The following GON7 variants were observed in gnomAD, a reference collection of about 807,000 sequenced individuals.
GON7 encodes EKC/KEOPS complex subunit GON7.
GON7 carries 2 observed loss-of-function variants against 7.6 expected under a neutral mutation model. The ratio of observed to expected loss-of-function variants is 0.26; its 90% CI spans 0.11 to 0.83. The LOEUF (loss-of-function observed/expected upper bound fraction) is 0.83, where lower values mean the gene tolerates loss of function less well. Ranked by LOEUF, GON7 falls within the 40% of genes least tolerant of loss-of-function variation. The pLI is 0.65. For missense variants in GON7, 121 were observed against 132.2 expected, an observed-to-expected ratio of 0.92 and a Z score of 0.42; for synonymous variants, 54 against 56.6, an observed-to-expected ratio of 0.95 and a Z score of 0.20.
Position 93,206,918 on chromosome 14 carries a change from C to A in GON7, c.120G>T (p.Met40Ile). 1 of 1,614,244 alleles carries A rather than the reference C, an allele frequency of 6.2e-7. No individual in the cohort carries two copies. Among genetic ancestry groups the A allele is most frequent in the Non-Finnish European group, 8.5e-7 (1 of 1,180,050 alleles). The change falls in exon 1 of 2, where the codon ATG becomes ATT. Residue 40 changes from methionine (M) to isoleucine (I), a missense_variant. Coordinates refer to ENST00000306954, the MANE Select transcript of GON7 (RefSeq NM_032490.5). ...CGAATAATTCCGTTACCATGTCCTT[C>A]ATCTGGGCCACGCCAGACAACAGGC... ...FQGLLSGVAQ[M>I]KDMVTELFDP...
Position 93,203,784 on chromosome 14 carries a change from T to C in GON7, c.209-2A>G, listed in dbSNP as rs1007581194. ...CTTCTGCATCATCTTCATCATCACCTTTTAAAATAAATATTTGTTGTATGA... is the reference window on the plus strand; with the variant it reads ...CTTCTGCATCATCTTCATCATCACCCTTTAAAATAAATATTTGTTGTATGA... On this transcript the variant is annotated splice_acceptor_variant, in intron 1 of 1. Coordinates refer to ENST00000306954, the MANE Select transcript of GON7 (RefSeq NM_032490.5). LOFTEE classifies it high-confidence loss of function. 1 of 1,606,188 alleles carries C rather than the reference T, an allele frequency of 6.2e-7. No individual in the cohort carries two copies. Among genetic ancestry groups the C allele is most frequent in the African/African-American group, 1.3e-5 (1 of 74,774 alleles).
intron 1 of GON7, among the ~76,000 whole-genome samples, chr14:93,206,282 T>A (rs898908845): frequency 6.6e-6 from 1 of 152,144 alleles, no homozygotes; most frequent in African/African-American, 2.4e-5. Flanking sequence ...GTGCAGGGAT[T>A]ACAGGCGTGA....
chr14:93,203,944 A>AT, intron 1 of GON7, among the ~76,000 whole-genome samples, 162 bp from the exon 2 acceptor site: 5 of 152,198 alleles, frequency 3.3e-5, no homozygotes, highest in Admixed American at 3.3e-4. Flanking sequence ...TAAAATCTTT[A>AT]TTTTCTATCA....
chr14:93,206,752 T>C (rs1894353461), intron 1 of GON7, 78 bp downstream of exon 1: 5 of 1,427,754 alleles, frequency 3.5e-6, no homozygotes, highest in Non-Finnish European at 4.7e-6. Context: ...TCTGCCACTC[T>C]ACACGGGCTC....
chr14:93,203,872 A>G, intron 1 of GON7, 90 bp from the exon 2 acceptor site: 3 of 826,524 alleles, frequency 3.6e-6, no homozygotes, highest in Non-Finnish European at 5.6e-6. Flanking sequence ...AGACCATTTC[A>G]CTTTAGGGAT....
In GON7 at chr14:93,205,881, T is replaced by C. The variant is rs76283460; in HGVS notation, c.208+949A>G. 3.8e-3 allele frequency among the ~76,000 whole-genome samples: 583 copies of C among 152,364 alleles called. 4 individuals are homozygous for C. Among genetic ancestry groups the C allele is most frequent in the African/African-American group, 0.013 (550 of 41,580 alleles). Reference sequence around the variant, plus strand: ...GATTGTACTCTTCCAAGTATGTCTGTAGTTTCACACCTGATAAAACTCCTT... The same window carrying C: ...GATTGTACTCTTCCAAGTATGTCTGCAGTTTCACACCTGATAAAACTCCTT... On this transcript the variant is annotated intron_variant, in intron 1 of 1. Coordinates refer to ENST00000306954, the MANE Select transcript of GON7 (RefSeq NM_032490.5).
chr14:93,203,576 CAGG>C lies in GON7; in HGVS notation c.*109_*111del, dbSNP rs1894289061. 2 of 835,210 alleles carry C rather than the reference CAGG, an allele frequency of 2.4e-6. No homozygotes were observed. Among genetic ancestry groups the C allele is most frequent in the Non-Finnish European group, 1.9e-6 (1 of 532,790 alleles). The allele number at this position is 835,210 out of a possible 1,614,324, so 51.7% of individuals were successfully genotyped here. On this transcript the variant is annotated 3_prime_UTR_variant, in exon 2 of 2. Coordinates refer to ENST00000306954, the MANE Select transcript of GON7 (RefSeq NM_032490.5). The stretch of plus-strand genomic sequence containing the variant: ...AGTTTTCTCTTTGACAAAATTGTCC[CAGG>C]AGAACAACACAAATGCTTTTTCCAA...
intron 1 of GON7, among the ~76,000 whole-genome samples, chr14:93,204,153 G>T (rs776311863): frequency 1.2e-4 from 18 of 152,098 alleles, no homozygotes; most frequent in Non-Finnish European, 2.1e-4. Flanking sequence ...GCGCTACCAC[G>T]CCCGGCTAAT....
At position 93,203,783 on chromosome 14, in the gene GON7, C is replaced by G. The variant is rs1894292902; in HGVS notation, c.209-1G>C. 1 of 1,609,238 alleles carries G rather than the reference C, an allele frequency of 6.2e-7. No individual in the cohort carries two copies. ...TCTTCTGCATCATCTTCATCATCACCTTTTAAAATAAATATTTGTTGTATG... is the reference window on the plus strand; with the variant it reads ...TCTTCTGCATCATCTTCATCATCACGTTTTAAAATAAATATTTGTTGTATG... On this transcript the variant is annotated splice_acceptor_variant, in intron 1 of 1. Transcript: ENST00000306954. LOFTEE classifies it high-confidence loss of function.
intron 1 of GON7, among the ~76,000 whole-genome samples, chr14:93,205,513 C>T (rs1183660719): frequency 6.6e-6 from 1 of 151,936 alleles, no homozygotes; most frequent in Non-Finnish European, 1.5e-5. Context: ...ACTAAAAATA[C>T]AAAATTAGCT....
At chr14:93,206,788 C>G (rs759841156) in intron 1 of GON7, 42 bp downstream of exon 1, 2 of 1,566,738 alleles carry the variant, frequency 1.3e-6, no homozygotes, top group South Asian at 2.3e-5. Flanking sequence ...CCTGGGCGCC[C>G]GCCCCGTCCT....
intron 1 of GON7, among the ~76,000 whole-genome samples, chr14:93,204,039 A>G (rs1244887896): frequency 6.6e-6 from 1 of 152,082 alleles, no homozygotes; most frequent in Admixed American, 6.6e-5. Flanking sequence ...CTCTGTCGCC[A>G]GGCTGGAGTG....
intron 1 of GON7, among the ~76,000 whole-genome samples, chr14:93,206,037 G>A (rs1023928012): frequency 1.3e-5 from 2 of 151,748 alleles, no homozygotes; most frequent in African/African-American, 4.8e-5. Context: ...ACGGAGTCTC[G>A]CTCTGTCGCC....
rs1218573239 is a variant in GON7 at position 93,207,017 on chromosome 14, G to A, written c.21C>T (p.Tyr7=). 2 of 1,613,434 alleles carry A rather than the reference G, an allele frequency of 1.2e-6. No individual in the cohort carries two copies. The highest frequency in any genetic ancestry group is 1.7e-5 in the Admixed American group (1 of 60,000). Reference sequence around the variant, plus strand: ...TCTGCGGCTTCCCTTCCTGCCCGACGTACTCTCCCAGCAGCTCCATGGTGA... The same window carrying A: ...TCTGCGGCTTCCCTTCCTGCCCGACATACTCTCCCAGCAGCTCCATGGTGA... The part of the protein sequence containing the change: MELLGE[Y]VGQEGKPQKL... Residue 7 remains tyrosine, a synonymous_variant, in exon 1 of 2, where the codon TAC becomes TAT. Transcript: ENST00000306954.
At chr14:93,206,724 A>C in intron 1 of GON7, 106 bp downstream of exon 1, 3 of 1,204,898 alleles carry the variant, frequency 2.5e-6, no homozygotes, top group Non-Finnish European at 3.4e-6. Context: ...TCTTTCCTCG[A>C]GGCTCACTTT....
Position 93,203,788 on chromosome 14 carries a change from AAAAT to A in GON7, c.209-10_209-7del. 6.2e-7 allele frequency: 1 copy of A among 1,607,362 alleles called. No individual in the cohort carries two copies. The highest frequency in any genetic ancestry group is 8.5e-7 in the Non-Finnish European group (1 of 1,174,402). ...TGCATCATCTTCATCATCACCTTTT[AAAAT>A]AAATATTTGTTGTATGACAATACGT... On this transcript the variant is annotated splice_polypyrimidine_tract_variant and splice_region_variant and intron_variant, in intron 1 of 1. Transcript: ENST00000306954.
intron 1 of GON7, among the ~76,000 whole-genome samples, chr14:93,205,159 C>T (rs949615741): frequency 3.3e-5 from 5 of 152,194 alleles, no homozygotes; most frequent in Admixed American, 1.3e-4. Context: ...CCAGTGGTTA[C>T]ACTGTTTTAC....
At chr14:93,206,148 C>T (rs1404695363) in intron 1 of GON7, among the ~76,000 whole-genome samples, 2 of 152,056 alleles carry the variant, frequency 1.3e-5, no homozygotes, top group African/African-American at 4.8e-5. Flanking sequence ...GTAGCTGGGA[C>T]TACAGGAGCA....
chr14:93,203,492 C>T lies in GON7; in HGVS notation c.*196G>A, dbSNP rs537110978. The T allele has an allele frequency of 2.0e-6, 1 of 487,812 alleles. No homozygotes were observed. Among genetic ancestry groups the T allele is most frequent in the Admixed American group, 3.5e-5 (1 of 28,612 alleles). 30.2% of individuals were successfully genotyped at this position (487,812 alleles called of 1,614,324 possible). On this transcript the variant is annotated 3_prime_UTR_variant, in exon 2 of 2. Transcript: ENST00000306954. Reference sequence around the variant, plus strand: ...TCCTTCCAGGGTCTGAAATTTATTTCTCAAGAAAACAGATTTTATTTCTAA... The same window carrying T: ...TCCTTCCAGGGTCTGAAATTTATTTTTCAAGAAAACAGATTTTATTTCTAA...
Sources: allele counts gnomAD v4.1 joint callset (sites outside exome capture counted in the v4.1 genomes callset), GRCh38; gene constraint gnomAD v4.1.1; transcripts MANE v1.5; gene names NCBI Gene and HGNC (gene_info 2026-07-23, HGNC 2026-07-21).